SLIT3: variants seen among roughly 807,000 people sequenced by gnomAD.
SLIT3 encodes slit guidance ligand 3, also known as slit homolog 3 protein.
In SLIT3, 68 loss-of-function variants were observed where a neutral mutation model predicts 184.0. That is an observed-to-expected ratio of 0.37 (90% CI 0.30 to 0.45). The LOEUF is 0.45. SLIT3 is among the 20% of genes least tolerant of loss of function. The pLI is 1.00. For synonymous variants in SLIT3, 831 were observed against 828.6 expected (o/e 1.00, Z -0.05); for missense variants, 1,707 against 2,026.0 (o/e 0.84, Z 3.02).
intron 21 of SLIT3, 82 bp from the exon 22 acceptor site, chr5:168,723,086 G>A: frequency 1.1e-6 from 1 of 923,440 alleles, no homozygotes; most frequent in Non-Finnish European, 1.8e-6. Context: ...ACACATACCT[G>A]CCATCCACCC....
At chr5:169,005,570 C>T (rs971557953) in intron 4 of SLIT3, among the ~76,000 whole-genome samples, 1 of 152,220 alleles carries the variant, frequency 6.6e-6, no homozygotes. Flanking sequence ...CTCAGTTTAA[C>T]ACCATTTGGA....
At chr5:169,292,539 G>A (rs182647268) in intron 1 of SLIT3, among the ~76,000 whole-genome samples, 12 of 152,210 alleles carry the variant, frequency 7.9e-5, no homozygotes, top group Admixed American at 2.6e-4. Context: ...CGGAAAGAAC[G>A]GGGCAATATA....
At chr5:168,666,880 T>C in intron 35 of SLIT3, 191 bp from the exon 36 acceptor site, 2 of 873,454 alleles carry the variant, frequency 2.3e-6, no homozygotes, top group South Asian at 2.9e-5. Context: ...TGTACCAGGC[T>C]CTCTGACAGG....
rs150030222 is a variant in SLIT3 at position 168,808,749 on chromosome 5, A to C, written c.794-2162T>G. 9.0e-3 allele frequency among the ~76,000 whole-genome samples: 1,364 copies of C among 152,310 alleles called. 21 individuals carry two copies. The highest frequency in any genetic ancestry group is 0.031 in the African/African-American group (1,291 of 41,570). ...CCTCCCCTGCTCCACCTCTCTTTGC[A>C]GACAGCAAAGGGAATTCTACGGTGT... On this transcript the variant is annotated intron_variant, in intron 8 of 35. Coordinates refer to ENST00000519560, the MANE Select transcript of SLIT3 (RefSeq NM_003062.4).
intron 4 of SLIT3, among the ~76,000 whole-genome samples, chr5:169,109,120 G>C (rs1321369322): frequency 6.6e-6 from 1 of 152,212 alleles, no homozygotes; most frequent in East Asian, 1.9e-4. Context: ...AAGGCAGTAG[G>C]AGGTCACTCC....
chr5:169,096,094 A>C (rs966495084), intron 4 of SLIT3, among the ~76,000 whole-genome samples: 6 of 152,228 alleles, frequency 3.9e-5, no homozygotes, highest in Non-Finnish European at 7.3e-5. Context: ...GCACTGTGAG[A>C]AAATATACAA....
At chr5:168,785,104 T>G (rs781493196) in intron 12 of SLIT3, among the ~76,000 whole-genome samples, 3 of 150,200 alleles carry the variant, frequency 2.0e-5, no homozygotes, top group Non-Finnish European at 4.4e-5. Flanking sequence ...CCAGAAGAAC[T>G]GTAATGGTGA....
intron 4 of SLIT3, among the ~76,000 whole-genome samples, chr5:169,073,282 C>T (rs1471092208): frequency 6.6e-6 from 1 of 152,174 alleles, no homozygotes; most frequent in African/African-American, 2.4e-5. Flanking sequence ...CTTAGCCCCG[C>T]AGGATGAACA....
chr5:168,845,926 T>G (rs2113717057), intron 5 of SLIT3, among the ~76,000 whole-genome samples: 1 of 152,318 alleles, frequency 6.6e-6, no homozygotes, highest in African/African-American at 2.4e-5. Context: ...GATTTCCTGG[T>G]GTTGGAATTT....
At position 168,888,608 on chromosome 5, in the gene SLIT3, A is replaced by T. The variant is rs140676751; in HGVS notation, c.414-5272T>A. Among the ~76,000 whole-genome samples, 263 of 152,342 alleles carry T rather than the reference A, an allele frequency of 1.7e-3. 1 individual carries two copies. Among genetic ancestry groups the T allele is most frequent in the African/African-American group, 5.8e-3 (240 of 41,582 alleles). ...ACAAGGGAAACTAACTGACCAAAGA[A>T]TGTGGGAACAACCCAATCTGGCATC... On this transcript the variant is annotated intron_variant, in intron 4 of 35. Coordinates refer to ENST00000519560, the MANE Select transcript of SLIT3 (RefSeq NM_003062.4).
At chr5:169,258,056 A>T (rs1172167840) in intron 1 of SLIT3, among the ~76,000 whole-genome samples, 1 of 152,136 alleles carries the variant, frequency 6.6e-6, no homozygotes, top group African/African-American at 2.4e-5. Context: ...CTATTACCTC[A>T]TTTTTCACAT....
At chr5:168,734,834 C>G (rs1341841553) in intron 20 of SLIT3, among the ~76,000 whole-genome samples, 3 of 152,184 alleles carry the variant, frequency 2.0e-5, no homozygotes, top group Non-Finnish European at 4.4e-5. Flanking sequence ...GAAACGTCAT[C>G]TGTGTGATGA....
At chr5:169,076,453 T>A (rs1758745252) in intron 4 of SLIT3, among the ~76,000 whole-genome samples, 1 of 152,212 alleles carries the variant, frequency 6.6e-6, no homozygotes, top group Non-Finnish European at 1.5e-5. Context: ...GCCTCCTTTC[T>A]TCCACTATCT....
intron 4 of SLIT3, among the ~76,000 whole-genome samples, chr5:169,106,705 T>C (rs372594975): frequency 1.4e-3 from 220 of 152,286 alleles, no homozygotes; most frequent in African/African-American, 4.8e-3. Context: ...AGGCATCCCA[T>C]CTTGCTAGGC....
At chr5:169,155,599 G>A (rs577995752) in intron 4 of SLIT3, among the ~76,000 whole-genome samples, 1 of 152,210 alleles carries the variant, frequency 6.6e-6, no homozygotes, top group African/African-American at 2.4e-5. Context: ...GCTCACTGCA[G>A]TGAGTCTATG....
intron 9 of SLIT3, among the ~76,000 whole-genome samples, chr5:168,801,410 C>T (rs529752122): frequency 6.6e-6 from 1 of 152,286 alleles, no homozygotes; most frequent in South Asian, 2.1e-4. Flanking sequence ...CAGAGAGACA[C>T]TGTGGTTAAG....
chr5:168,707,850 C>A (rs73322482), intron 26 of SLIT3, 126 bp downstream of exon 26: 5 of 1,175,496 alleles, frequency 4.3e-6, no homozygotes, highest in African/African-American at 1.5e-5. Context: ...GTGACCTGTG[C>A]GATGGACTCA....
Position 168,904,796 on chromosome 5 carries a change from G to A in SLIT3, c.414-21460C>T, listed in dbSNP as rs192052824. Among the ~76,000 whole-genome samples the A allele has an allele frequency of 4.1e-3, 622 of 152,242 alleles. 5 individuals carry two copies. The highest frequency in any genetic ancestry group is 0.014 in the African/African-American group (583 of 41,546). ...GTGCCAGTTTCAGCAGCACAAGGAC[G>A]CCCCAGGCTGCCACAGGAGTTCTAG... On this transcript the variant is annotated intron_variant, in intron 4 of 35. Coordinates refer to ENST00000519560, the MANE Select transcript of SLIT3 (RefSeq NM_003062.4).
At chr5:168,864,011 C>T (rs1346959802) in intron 5 of SLIT3, among the ~76,000 whole-genome samples, 1 of 139,474 alleles carries the variant, frequency 7.2e-6, no homozygotes, top group African/African-American at 2.7e-5. Context: ...GCCTAGGCAA[C>T]ATGGTGAAAC....
Sources: allele counts gnomAD v4.1 joint callset (sites outside exome capture counted in the v4.1 genomes callset), GRCh38; gene constraint gnomAD v4.1.1; transcripts MANE v1.5; gene names NCBI Gene and HGNC (gene_info 2026-07-23, HGNC 2026-07-21).